Variants in VAV2 observed in about 807,000 individuals in gnomAD.
VAV2 encodes vav guanine nucleotide exchange factor 2, also known as guanine nucleotide exchange factor VAV2.
VAV2 carries 67 observed loss-of-function variants against 132.5 expected under a neutral mutation model. The ratio of observed to expected loss-of-function variants is 0.51; its 90% CI spans 0.42 to 0.62. The LOEUF (loss-of-function observed/expected upper bound fraction) is 0.62. Among genes scored for constraint, VAV2 ranks in the 20% least tolerant of loss-of-function variants. The probability of loss-of-function intolerance (pLI) is 0.00; values close to 1 mark genes in which losing one functional copy is unlikely to be tolerated. For synonymous variants in VAV2, 492 were observed against 443.5 expected (o/e 1.11, Z -1.37); for missense variants, 938 against 1,153.6 (o/e 0.81, Z 2.71).
intron 4 of VAV2, among the ~76,000 whole-genome samples, chr9:133,814,740 C>A (rs1159707533): frequency 6.6e-6 from 1 of 152,174 alleles, no homozygotes; most frequent in African/African-American, 2.4e-5. Flanking sequence ...GGAGCCTGTT[C>A]ATAAAGGCCC....
chr9:133,931,447 A>C (rs917590182), intron 2 of VAV2, among the ~76,000 whole-genome samples: 36 of 151,888 alleles, frequency 2.4e-4, no homozygotes, highest in Non-Finnish European at 4.7e-4. Flanking sequence ...TGCTCAGGAG[A>C]AACACGTCCT....
intron 1 of VAV2, among the ~76,000 whole-genome samples, chr9:133,939,561 A>G (rs989952469): frequency 6.6e-6 from 1 of 152,238 alleles, no homozygotes; most frequent in African/African-American, 2.4e-5. Flanking sequence ...ACCGTAGGTC[A>G]GGGCGGCAAG....
At position 133,822,361 on chromosome 9, in the gene VAV2, A is replaced by C. The variant is rs1835824634; in HGVS notation, c.450-10145T>G. Among the ~76,000 whole-genome samples the C allele has an allele frequency of 3.3e-5, 5 of 152,112 alleles. No homozygotes were observed. The South Asian group carries it at 1.0e-3, about 32-fold the overall frequency. On this transcript the variant is annotated intron_variant, in intron 4 of 29. Coordinates refer to ENST00000371850, the MANE Select transcript of VAV2 (RefSeq NM_001134398.2). ...CGGATGTTTCCTGACCTCCGTCCAC[A>C]CCTCAGGGTGCTTCATCCCCAGGGG...
At chr9:133,847,701 C>A (rs1836991759) in intron 3 of VAV2, among the ~76,000 whole-genome samples, 1 of 152,212 alleles carries the variant, frequency 6.6e-6, no homozygotes, top group African/African-American at 2.4e-5. Flanking sequence ...TACAGGTGAC[C>A]TCTCTGAGCC....
intron 1 of VAV2, among the ~76,000 whole-genome samples, chr9:133,984,606 CT>C (rs1345837605): frequency 6.6e-6 from 1 of 152,166 alleles, no homozygotes; most frequent in African/African-American, 2.4e-5. Context: ...GAGTGAGACC[CT>C]GTCTCTAAAA....
Position 133,918,062 on chromosome 9 carries a change from C to G in VAV2, c.321+21041G>C, listed in dbSNP as rs1228452464. Among the ~76,000 whole-genome samples, 1 of 152,164 alleles carries G rather than the reference C, an allele frequency of 6.6e-6. No homozygotes were observed. The highest frequency in any genetic ancestry group is 2.4e-5 in the African/African-American group (1 of 41,414). Reference sequence around the variant, plus strand: ...TCCCTGCTTCACCAACTCCATTTTCCAAAGTGATTGAGACTCTAACACCAT... The same window carrying G: ...TCCCTGCTTCACCAACTCCATTTTCGAAAGTGATTGAGACTCTAACACCAT... On this transcript the variant is annotated intron_variant, in intron 2 of 29. Transcript: ENST00000371850. The surrounding 1 kb of genome is among the most constrained non-coding windows in gnomAD (Gnocchi z 4.7).
intron 2 of VAV2, among the ~76,000 whole-genome samples, chr9:133,902,636 C>A (rs1210472180): frequency 6.6e-6 from 1 of 152,116 alleles, no homozygotes; most frequent in African/African-American, 2.4e-5. Context: ...TGAACTGTGT[C>A]CCCTCAAAAA....
chr9:133,786,699 C>G (rs890902965), intron 16 of VAV2, among the ~76,000 whole-genome samples: 2 of 152,376 alleles, frequency 1.3e-5, no homozygotes, highest in Admixed American at 1.3e-4. Context: ...ACAACTGCCC[C>G]CTTCCCTGCC....
At chr9:133,942,942 C>T (rs1216019835) in intron 1 of VAV2, among the ~76,000 whole-genome samples, 1 of 152,208 alleles carries the variant, frequency 6.6e-6, no homozygotes, top group African/African-American at 2.4e-5. Context: ...TCAGGCTCCA[C>T]CTCGAGGGAG....
intron 2 of VAV2, among the ~76,000 whole-genome samples, chr9:133,874,271 ACT>A (rs1838175100): frequency 6.6e-6 from 1 of 152,208 alleles, no homozygotes; most frequent in Non-Finnish European, 1.5e-5. Flanking sequence ...TGGGCCACTC[ACT>A]GTCTGCGAAT....
intron 1 of VAV2, among the ~76,000 whole-genome samples, chr9:133,983,632 T>G (rs1367509369): frequency 6.6e-6 from 1 of 151,542 alleles, no homozygotes; most frequent in South Asian, 2.1e-4. Context: ...ATCACAACGC[T>G]CGGCAGAGAA....
At chr9:133,777,720 C>A (rs1019205351) in intron 22 of VAV2, among the ~76,000 whole-genome samples, 2 of 152,118 alleles carry the variant, frequency 1.3e-5, no homozygotes, top group African/African-American at 4.8e-5. Context: ...AAGCTGGCAG[C>A]CCTGGTCATA....
intron 29 of VAV2, among the ~76,000 whole-genome samples, chr9:133,767,067 G>T (rs893029452): frequency 6.6e-6 from 1 of 151,718 alleles, no homozygotes. Context: ...AAGTAGGCAG[G>T]AAAGAAGAAA....
At chr9:133,983,964 T>C (rs1365255065) in intron 1 of VAV2, among the ~76,000 whole-genome samples, 1 of 152,186 alleles carries the variant, frequency 6.6e-6, no homozygotes, top group Non-Finnish European at 1.5e-5. Context: ...GTGCACTGTT[T>C]CTGTGAGTTT....
chr9:133,933,824 G>T (rs905693141), intron 2 of VAV2, among the ~76,000 whole-genome samples: 2 of 143,384 alleles, frequency 1.4e-5, no homozygotes, highest in African/African-American at 2.6e-5. Flanking sequence ...GAATGGATGA[G>T]TGGATGGATG....
chr9:133,955,310 C>T (rs535724335), intron 1 of VAV2, among the ~76,000 whole-genome samples: 1 of 151,896 alleles, frequency 6.6e-6, no homozygotes, highest in African/African-American at 2.4e-5. Context: ...GGCCCCATAC[C>T]CGATGCCAAG....
Position 133,935,360 on chromosome 9 carries a change from C to A in VAV2, c.321+3743G>T, listed in dbSNP as rs532515972. Among the ~76,000 whole-genome samples the A allele has an allele frequency of 1.3e-5, 2 of 152,256 alleles. No individual in the cohort carries two copies. The highest frequency in any genetic ancestry group is 3.9e-4 in the East Asian group (2 of 5,188). On this transcript the variant is annotated intron_variant, in intron 2 of 29. Transcript: ENST00000371850. This position sits in a 1 kb window ranked among gnomAD's most constrained non-coding sequence, Gnocchi z 5.2. ...ATGCATGGAATGGCCAAGTAAGGAACCAGGCCTATCAGCCCCGCCCTCCAC... is the reference window on the plus strand; with the variant it reads ...ATGCATGGAATGGCCAAGTAAGGAAACAGGCCTATCAGCCCCGCCCTCCAC...
intron 2 of VAV2, among the ~76,000 whole-genome samples, chr9:133,931,626 A>G (rs186405336): frequency 1.1e-4 from 17 of 152,280 alleles, no homozygotes; most frequent in African/African-American, 3.6e-4. Flanking sequence ...AAAGGGAGAG[A>G]GCAACAGCAT....
In VAV2 at chr9:133,926,275, G is replaced by A. The variant is rs181229448; in HGVS notation, c.321+12828C>T. 3.3e-5 allele frequency: 5 copies of A among 152,754 alleles called. No individual in the cohort carries two copies. The highest frequency in any genetic ancestry group is 7.2e-5 in the African/African-American group (3 of 41,550). 9.5% of individuals were successfully genotyped at this position (152,754 alleles called of 1,614,324 possible). A position where few individuals can be genotyped will look rare whatever the true frequency, so the allele number is the denominator to read the frequency against. On this transcript the variant is annotated intron_variant, in intron 2 of 29. Transcript: ENST00000371850. This position sits in a 1 kb window ranked among gnomAD's most constrained non-coding sequence, Gnocchi z 4.3. Reference sequence around the variant, plus strand: ...CTCTGCTCCTAGTGCGTCCTGAAGCGTGGGCTGCTGCCACCACTGCCACCC... The same window carrying A: ...CTCTGCTCCTAGTGCGTCCTGAAGCATGGGCTGCTGCCACCACTGCCACCC...
Sources: allele counts gnomAD v4.1 joint callset (sites outside exome capture counted in the v4.1 genomes callset), GRCh38; gene constraint gnomAD v4.1.1; non-coding constraint Gnocchi (gnomAD v3.1); transcripts MANE v1.5; gene names NCBI Gene and HGNC (gene_info 2026-07-23, HGNC 2026-07-21).